Variants in DCC observed in about 807,000 individuals in gnomAD.
The protein encoded by DCC is netrin receptor DCC.
A neutral mutation model predicts 172.5 loss-of-function variants in DCC; 58 were observed. The observed-to-expected ratio is 0.34, with a 90% CI of 0.27 to 0.42. The LOEUF is 0.42. Ranked by LOEUF, DCC falls within the 10% of genes least tolerant of loss-of-function variation. DCC has a pLI of 1.00. For synonymous variants in DCC, 709 were observed against 644.5 expected (o/e 1.10, Z -1.52); for missense variants, 1,740 against 1,791.0 (o/e 0.97, Z 0.51).
intron 2 of DCC, among the ~76,000 whole-genome samples, chr18:52,793,967 G>T (rs565624268): frequency 5.4e-5 from 8 of 148,084 alleles, no homozygotes; most frequent in Admixed American, 1.3e-4. Context: ...TTAATTTCTC[G>T]GTTTTCTATT....
intron 22 of DCC, among the ~76,000 whole-genome samples, chr18:53,441,700 CA>C (rs1912287811): frequency 6.6e-6 from 1 of 152,182 alleles, no homozygotes; most frequent in African/African-American, 2.4e-5. Flanking sequence ...TGTCTCAGGT[CA>C]AGCTATCATC....
chr18:52,484,979 G>A (rs763109348), intron 1 of DCC, among the ~76,000 whole-genome samples: 29 of 151,934 alleles, frequency 1.9e-4, no homozygotes, highest in Non-Finnish European at 3.2e-4. Flanking sequence ...AAAATCATCC[G>A]GTCTTAGTGG....
At chr18:52,976,320 T>C (rs980426162) in intron 5 of DCC, among the ~76,000 whole-genome samples, 1 of 152,202 alleles carries the variant, frequency 6.6e-6, no homozygotes. Context: ...TGTTGATAGT[T>C]TCTTTTGCTG....
In DCC at chr18:53,369,714, C is replaced by T. The variant is rs181021929; in HGVS notation, c.2360-16329C>T. Reference sequence around the variant, plus strand: ...TGAATTTTGTCAAATGCTTTTTCTGCATCAATTGATGACGTGGTGGTTTTT... The same window carrying T: ...TGAATTTTGTCAAATGCTTTTTCTGTATCAATTGATGACGTGGTGGTTTTT... On this transcript the variant is annotated intron_variant, in intron 15 of 28. Transcript: ENST00000442544. 2.7e-4 allele frequency among the ~76,000 whole-genome samples: 41 copies of T among 151,986 alleles called. No individual in the cohort carries two copies. In the East Asian group the frequency reaches 6.4e-3, roughly 24 times the overall value.
At chr18:53,509,138 C>A (rs932731054) in intron 27 of DCC, among the ~76,000 whole-genome samples, 7 of 152,216 alleles carry the variant, frequency 4.6e-5, no homozygotes, top group African/African-American at 1.4e-4. Context: ...CCTGCACCAA[C>A]TCTCTGCAAA....
intron 5 of DCC, among the ~76,000 whole-genome samples, chr18:52,963,422 ATACT>A (rs928675292): frequency 3.0e-4 from 45 of 152,264 alleles, no homozygotes; most frequent in African/African-American, 8.9e-4. Context: ...ATGATAAATG[ATACT>A]TCTAAAGCAG....
intron 5 of DCC, among the ~76,000 whole-genome samples, chr18:52,939,498 T>C (rs1212489605): frequency 6.6e-6 from 1 of 152,342 alleles, no homozygotes; most frequent in Admixed American, 6.5e-5. Context: ...TTACTTACTA[T>C]GTCCCCAAAA....
intron 1 of DCC, among the ~76,000 whole-genome samples, chr18:52,657,760 T>C (rs2035282861): frequency 6.6e-6 from 1 of 152,190 alleles, no homozygotes; most frequent in Non-Finnish European, 1.5e-5. Context: ...GAAAACCTCA[T>C]GGATGGGGAG....
intron 1 of DCC, among the ~76,000 whole-genome samples, chr18:52,659,816 C>T (rs2035322889): frequency 6.6e-6 from 1 of 151,772 alleles, no homozygotes. Context: ...TGCAACAATG[C>T]ACGTTCATTG....
At chr18:53,467,272 T>A (rs1502231) in intron 24 of DCC, among the ~76,000 whole-genome samples, 67,646 of 151,592 alleles carry the variant, frequency 0.45, 16,800 homozygotes, top group Non-Finnish European at 0.57. Context: ...TCAGTTTTTT[T>A]AATACGTATT....
intron 2 of DCC, among the ~76,000 whole-genome samples, chr18:52,832,940 A>G (rs1210576731): frequency 6.6e-6 from 1 of 152,166 alleles, no homozygotes; most frequent in African/African-American, 2.4e-5. Flanking sequence ...TTTAAAATGT[A>G]CATATTAATG....
intron 8 of DCC, among the ~76,000 whole-genome samples, chr18:53,159,914 G>C (rs1441783474): frequency 6.6e-6 from 1 of 152,162 alleles, no homozygotes; most frequent in Non-Finnish European, 1.5e-5. Context: ...ATTCAGGGCA[G>C]TCACTCCACA....
At chr18:53,156,518 C>A (rs948505746) in intron 7 of DCC, among the ~76,000 whole-genome samples, 1 of 151,484 alleles carries the variant, frequency 6.6e-6, no homozygotes, top group African/African-American at 2.4e-5. Flanking sequence ...AACTTCGTTA[C>A]CATTTTTTAA....
At chr18:53,445,790 A>G (rs982506374) in intron 22 of DCC, among the ~76,000 whole-genome samples, 1 of 152,156 alleles carries the variant, frequency 6.6e-6, no homozygotes, top group African/African-American at 2.4e-5. Flanking sequence ...GAAATAAAAA[A>G]TAAATGGAAT....
chr18:52,828,468 G>C (rs1404900243), intron 2 of DCC, among the ~76,000 whole-genome samples: 1 of 151,666 alleles, frequency 6.6e-6, no homozygotes, highest in South Asian at 2.1e-4. Context: ...GAGGAATAAT[G>C]GTTTTGATCA....
At chr18:52,487,979 T>C (rs1385317901) in intron 1 of DCC, among the ~76,000 whole-genome samples, 1 of 152,072 alleles carries the variant, frequency 6.6e-6, no homozygotes, top group Non-Finnish European at 1.5e-5. Context: ...GCCACAGATT[T>C]ATGCACTAAG....
chr18:53,066,473 A>G (rs1348495909), intron 7 of DCC, among the ~76,000 whole-genome samples: 1 of 148,084 alleles, frequency 6.8e-6, no homozygotes, highest in East Asian at 2.0e-4. Flanking sequence ...GTCATCATGA[A>G]TAATAGGGCC....
intron 7 of DCC, among the ~76,000 whole-genome samples, chr18:53,079,072 C>G (rs961771167): frequency 6.6e-6 from 1 of 152,032 alleles, no homozygotes; most frequent in South Asian, 2.1e-4. Flanking sequence ...AAGACTGATT[C>G]TTTCTTTAAG....
chr18:53,527,719 G>A (rs531970956), intron 28 of DCC, among the ~76,000 whole-genome samples: 6 of 151,822 alleles, frequency 4.0e-5, no homozygotes, highest in East Asian at 1.9e-4. Flanking sequence ...CATTTATCCC[G>A]AAAATGCACT....
Sources: allele counts gnomAD v4.1 joint callset (sites outside exome capture counted in the v4.1 genomes callset), GRCh38; gene constraint gnomAD v4.1.1; transcripts MANE v1.5; gene names NCBI Gene and HGNC (gene_info 2026-07-23, HGNC 2026-07-21).